Variants in CSMD3 observed in about 807,000 individuals in gnomAD.
CSMD3 encodes CUB and Sushi multiple domains 3.
A neutral mutation model predicts 435.2 loss-of-function variants in CSMD3; 177 were observed. That is an observed-to-expected ratio of 0.41 (90% confidence interval 0.36 to 0.46). The LOEUF (loss-of-function observed/expected upper bound fraction) is 0.46, where lower values mean the gene tolerates loss of function less well. Among genes scored for constraint, CSMD3 ranks in the 20% least tolerant of loss-of-function variants. The pLI is 0.34. For synonymous variants in CSMD3, 1,656 were observed against 1,520.5 expected (o/e 1.09, Z -2.07); for missense variants, 4,265 against 4,504.6 (o/e 0.95, Z 1.52).
intron 32 of CSMD3, among the ~76,000 whole-genome samples, chr8:112,457,002 C>G (rs2130645635): frequency 6.6e-6 from 1 of 152,172 alleles, no homozygotes; most frequent in Admixed American, 6.6e-5. Context: ...ATATAAATCT[C>G]TTTTACAAAA....
chr8:112,568,982 T>C (rs1343521564), intron 24 of CSMD3, among the ~76,000 whole-genome samples: 2 of 152,160 alleles, frequency 1.3e-5, no homozygotes, highest in Admixed American at 6.6e-5. Context: ...ATCATGATGG[T>C]CTAAAGTTAA....
chr8:112,847,870 T>A (rs1380951330), intron 11 of CSMD3, among the ~76,000 whole-genome samples: 5 of 152,160 alleles, frequency 3.3e-5, no homozygotes. Context: ...GGAGGAAGAT[T>A]AAGATTGTAT....
At chr8:112,446,278 C>G (rs544359854) in intron 32 of CSMD3, among the ~76,000 whole-genome samples, 1 of 152,286 alleles carries the variant, frequency 6.6e-6, no homozygotes, top group Non-Finnish European at 1.5e-5. Flanking sequence ...TGTATAAATC[C>G]TTTTCCAAAG....
chr8:112,851,763 C>CAA (rs537512652), intron 11 of CSMD3, among the ~76,000 whole-genome samples: 2 of 131,582 alleles, frequency 1.5e-5, no homozygotes, highest in Non-Finnish European at 3.3e-5. Flanking sequence ...GACTCCATCT[C>CAA]AAAAAAAAAA....
intron 2 of CSMD3, among the ~76,000 whole-genome samples, chr8:113,296,676 T>C (rs989853825): frequency 3.3e-5 from 5 of 152,160 alleles, no homozygotes; most frequent in African/African-American, 1.2e-4. Flanking sequence ...GCAATTAGTG[T>C]CCCATGAATG....
intron 4 of CSMD3, among the ~76,000 whole-genome samples, chr8:113,130,685 T>C (rs1365344938): frequency 6.6e-6 from 1 of 152,050 alleles, no homozygotes; most frequent in Admixed American, 6.6e-5. Context: ...CATGAAAAAG[T>C]GGAAGTGACT....
intron 4 of CSMD3, among the ~76,000 whole-genome samples, chr8:113,158,100 C>T (rs183685433): frequency 6.6e-6 from 1 of 151,624 alleles, no homozygotes; most frequent in African/African-American, 2.4e-5. Flanking sequence ...ATATACATTG[C>T]TACCAGCACT....
intron 32 of CSMD3, among the ~76,000 whole-genome samples, chr8:112,455,863 A>AT (rs1429547634): frequency 6.6e-6 from 1 of 152,018 alleles, no homozygotes; most frequent in African/African-American, 2.4e-5. Context: ...GCAAGCTGGG[A>AT]TTTAAAAAAA....
Position 112,434,987 on chromosome 8 carries a change from A to T in CSMD3, c.5396-25955T>A, listed in dbSNP as rs191095821. Among the ~76,000 whole-genome samples the T allele has an allele frequency of 5.4e-4, 82 of 152,200 alleles. 1 individual carries two copies. The highest frequency in any genetic ancestry group is 7.7e-4 in the Non-Finnish European group (52 of 67,972). ...CATGGTACATCTTGACTGACTGCATACTTTCAGCAAAAAGCAAGGTGCACT... is the reference window on the plus strand; with the variant it reads ...CATGGTACATCTTGACTGACTGCATTCTTTCAGCAAAAAGCAAGGTGCACT... On this transcript the variant is annotated intron_variant, in intron 32 of 70. Coordinates refer to ENST00000297405, the MANE Select transcript of CSMD3 (RefSeq NM_198123.2).
rs201338827 is a variant in CSMD3 at position 112,416,636 on chromosome 8, A to G, written c.5396-7604T>C. On this transcript the variant is annotated intron_variant, in intron 32 of 70. Coordinates refer to ENST00000297405, the MANE Select transcript of CSMD3 (RefSeq NM_198123.2). ...TTTAGCAATTAATTAACTTGAAACGAGGATAATGAAACAAATATGGACATG... is the reference window on the plus strand; with the variant it reads ...TTTAGCAATTAATTAACTTGAAACGGGGATAATGAAACAAATATGGACATG... 8.2e-4 allele frequency among the ~76,000 whole-genome samples: 125 copies of G among 152,324 alleles called. 1 individual carries two copies. In the East Asian group the frequency reaches 0.021, roughly 26 times the overall value.
intron 1 of CSMD3, among the ~76,000 whole-genome samples, chr8:113,339,887 G>A (rs774968417): frequency 2.6e-5 from 4 of 151,938 alleles, no homozygotes; most frequent in South Asian, 2.1e-4. Flanking sequence ...TGCTCACACC[G>A]TAAATTATAA....
chr8:112,393,310 C>T (rs146962860), intron 35 of CSMD3, among the ~76,000 whole-genome samples: 238 of 152,240 alleles, frequency 1.6e-3, no homozygotes, highest in African/African-American at 5.3e-3. Flanking sequence ...AACTAATATG[C>T]TTTCTTATTG....
chr8:113,321,248 C>T (rs2093947441), intron 1 of CSMD3, among the ~76,000 whole-genome samples: 1 of 152,100 alleles, frequency 6.6e-6, no homozygotes. Context: ...AAGGTTCATA[C>T]TTCTCTCCAT....
At chr8:112,849,461 T>C (rs1283653657) in intron 11 of CSMD3, among the ~76,000 whole-genome samples, 7 of 151,990 alleles carry the variant, frequency 4.6e-5, no homozygotes, top group Non-Finnish European at 1.0e-4. Flanking sequence ...ATTTACATGT[T>C]TATATTGGAA....
intron 11 of CSMD3, among the ~76,000 whole-genome samples, chr8:112,846,272 T>C (rs1019395228): frequency 2.0e-5 from 3 of 151,462 alleles, no homozygotes; most frequent in Non-Finnish European, 2.9e-5. Flanking sequence ...TTTTCCCCTT[T>C]CTTTCTTTCC....
intron 67 of CSMD3, 41 bp from the exon 68 acceptor site, chr8:112,234,518 A>C (rs1230870380): frequency 9.8e-7 from 1 of 1,021,744 alleles, no homozygotes; most frequent in Non-Finnish European, 1.6e-6. Context: ...TAACTTTGTA[A>C]ATAGTTATAC....
At chr8:113,195,763 CAT>C (rs1326812936) in intron 3 of CSMD3, among the ~76,000 whole-genome samples, 47 of 140,966 alleles carry the variant, frequency 3.3e-4, no homozygotes, top group African/African-American at 1.2e-3. Flanking sequence ...TACTTGGATA[CAT>C]ATATATAATA....
At chr8:112,654,251 A>C (rs2075202658) in intron 18 of CSMD3, among the ~76,000 whole-genome samples, 1 of 152,294 alleles carries the variant, frequency 6.6e-6, no homozygotes, top group East Asian at 1.9e-4. Flanking sequence ...TGAAAAAGAT[A>C]GTTTAGTTAC....
At position 112,241,726 on chromosome 8, in the gene CSMD3, G is replaced by A. The variant is rs1228238224; in HGVS notation, c.10462C>T (p.Leu3488=). The stretch of plus-strand genomic sequence containing the variant: ...AACAAATGACATTACTAACCACTTA[G>A]CTTTGGGCTGGGTGTTCCCAGTGCA... ...RPALGTPSPK[L]SVPDDVFAQN... Residue 3488 remains leucine (L), a synonymous_variant, in exon 66 of 71, where the codon CTA becomes TTA. Coordinates refer to ENST00000297405, the MANE Select transcript of CSMD3 (RefSeq NM_198123.2). The A allele has an allele frequency of 1.2e-6, 2 of 1,609,924 alleles. No individual in the cohort carries two copies. The highest frequency in any genetic ancestry group is 1.7e-5 in the Admixed American group (1 of 59,916).
Sources: gnomAD v4.1 joint callset for allele counts (sites outside exome capture counted in the v4.1 genomes callset) on GRCh38, gnomAD v4.1.1 for gene constraint, MANE v1.5 for transcripts, NCBI Gene and HGNC (gene_info 2026-07-23, HGNC 2026-07-21) for gene names.